The following ZNF362 variants were observed in gnomAD, a reference collection of about 807,000 sequenced individuals.
ZNF362 encodes the protein rotund homolog.
ZNF362 carries 11 observed loss-of-function variants against 42.9 expected under a neutral mutation model. That is an observed-to-expected ratio of 0.26 (90% confidence interval 0.16 to 0.42). The LOEUF (loss-of-function observed/expected upper bound fraction) is 0.42. Among genes scored for constraint, ZNF362 ranks in the 20% least tolerant of loss-of-function variants. The pLI is 1.00. For missense variants in ZNF362, 362 were observed against 576.2 expected, an observed-to-expected ratio of 0.63 and a Z score of 3.81; for synonymous variants, 255 against 257.3, an observed-to-expected ratio of 0.99 and a Z score of 0.09.
chr1:33,240,473 A>G, the ZNF362 span, among the ~76,000 whole-genome samples: 1 of 152,230 alleles, frequency 6.6e-6, no homozygotes, highest in Non-Finnish European at 1.5e-5. Flanking sequence ...ACATATACAT[A>G]TATACATAAA....
the ZNF362 span, among the ~76,000 whole-genome samples, chr1:33,151,662 A>T: frequency 6.6e-6 from 1 of 152,172 alleles, no homozygotes; most frequent in Non-Finnish European, 1.5e-5. Context: ...GTCCCGGGAC[A>T]CCAAGATTTA....
chr1:33,213,124 C>A, the ZNF362 span, among the ~76,000 whole-genome samples: 1 of 152,110 alleles, frequency 6.6e-6, no homozygotes, highest in African/African-American at 2.4e-5. Context: ...ATGTATTATA[C>A]TATTCATATA....
At chr1:33,289,579 T>G (rs997118761) in intron 6 of ZNF362, among the ~76,000 whole-genome samples, 10 of 152,194 alleles carry the variant, frequency 6.6e-5, no homozygotes, top group African/African-American at 2.4e-4. Flanking sequence ...ACTGGAGGAC[T>G]GTCGGTCAGT....
intron 8 of ZNF362, 62 bp downstream of exon 8, chr1:33,295,367 T>G (rs1646113416): frequency 6.4e-7 from 1 of 1,571,152 alleles, no homozygotes; most frequent in Admixed American, 1.8e-5. Flanking sequence ...AGGCCTCAGT[T>G]GCTTCCCCAT....
the ZNF362 span, chr1:33,143,225 T>C: frequency 8.5e-5 from 13 of 152,326 alleles, no homozygotes; most frequent in African/African-American, 2.9e-4. Context: ...CAGTTGATAA[T>C]GCAAATTTGG....
chr1:33,206,684 A>C, the ZNF362 span, among the ~76,000 whole-genome samples: 1 of 152,222 alleles, frequency 6.6e-6, no homozygotes, highest in Admixed American at 6.5e-5. Context: ...TGCATATCAC[A>C]TATCTGATAA....
chr1:33,180,375 C>T, the ZNF362 span, among the ~76,000 whole-genome samples: 65 of 152,228 alleles, frequency 4.3e-4, no homozygotes, highest in Middle Eastern at 0.014. Context: ...GTATCCGGAC[C>T]TGATCTCAGT....
the ZNF362 span, among the ~76,000 whole-genome samples, chr1:33,157,345 C>T: frequency 6.6e-6 from 1 of 152,172 alleles, no homozygotes; most frequent in Non-Finnish European, 1.5e-5. Flanking sequence ...ACTTGCTGTC[C>T]CCATGCCAGG....
intron 6 of ZNF362, among the ~76,000 whole-genome samples, chr1:33,283,709 G>GA (rs978137675): frequency 6.6e-6 from 1 of 151,822 alleles, no homozygotes; most frequent in African/African-American, 2.4e-5. Context: ...TGTCTCAAAA[G>GA]AAAAAAAATA....
the ZNF362 span, among the ~76,000 whole-genome samples, chr1:33,171,533 C>A: frequency 6.6e-6 from 1 of 152,172 alleles, no homozygotes; most frequent in Non-Finnish European, 1.5e-5. Context: ...CAAATCAATG[C>A]AGCAAAAATT....
At chr1:33,259,001 A>G (rs953107615) in intron 1 of ZNF362, among the ~76,000 whole-genome samples, 2 of 152,118 alleles carry the variant, frequency 1.3e-5, no homozygotes, top group African/African-American at 4.8e-5. Context: ...TGGACTCTCT[A>G]ATTCTTCTGC....
chr1:33,232,727 T>A, the ZNF362 span, among the ~76,000 whole-genome samples: 1 of 152,330 alleles, frequency 6.6e-6, no homozygotes, highest in East Asian at 1.9e-4. Flanking sequence ...ACTTATACTC[T>A]TGTTATTATG....
the ZNF362 span, among the ~76,000 whole-genome samples, chr1:33,161,137 G>T: frequency 6.1e-4 from 93 of 152,322 alleles, no homozygotes; most frequent in African/African-American, 2.1e-3. This position sits in a 1 kb window ranked among gnomAD's most constrained non-coding sequence, Gnocchi z 4.3. Context: ...AAATGAGGGG[G>T]TGTTGTTGTG....
At chr1:33,259,609 G>A (rs546956880) in intron 1 of ZNF362, among the ~76,000 whole-genome samples, 2 of 152,122 alleles carry the variant, frequency 1.3e-5, no homozygotes, top group Admixed American at 1.3e-4. Context: ...AGTCATCTCA[G>A]TAATCTACCC....
In ZNF362 at chr1:33,294,709, C is replaced by G. The variant is rs1029181648; in HGVS notation, c.909-228C>G. Among the ~76,000 whole-genome samples the G allele has an allele frequency of 6.6e-6, 1 of 152,072 alleles. No individual in the cohort carries two copies. Among genetic ancestry groups the G allele is most frequent in the African/African-American group, 2.4e-5 (1 of 41,398 alleles). The stretch of plus-strand genomic sequence containing the variant: ...GTGGTGGGCTGGGGACAGCTGGGAC[C>G]TGTGGGAAGTAGGAGGCTCTGGTCA... On this transcript the variant is annotated intron_variant, in intron 6 of 8. Transcript: ENST00000539719. This position sits in a 1 kb window ranked among gnomAD's most constrained non-coding sequence, Gnocchi z 4.2.
chr1:33,187,566 C>T, the ZNF362 span, among the ~76,000 whole-genome samples: 2 of 152,210 alleles, frequency 1.3e-5, no homozygotes, highest in Admixed American at 1.3e-4. Flanking sequence ...CAGCTTCCGA[C>T]TCTACTACCC....
chr1:33,143,006 G>C, the ZNF362 span: 2 of 152,188 alleles, frequency 1.3e-5, no homozygotes, highest in Non-Finnish European at 2.9e-5. Context: ...TGGGGTTACT[G>C]CCATTCTATC....
At chr1:33,171,803 A>T in the ZNF362 span, among the ~76,000 whole-genome samples, 1 of 152,040 alleles carries the variant, frequency 6.6e-6, no homozygotes, top group Non-Finnish European at 1.5e-5. Flanking sequence ...TTTTTTTGAG[A>T]CAGAATCTCG....
the ZNF362 span, among the ~76,000 whole-genome samples, chr1:33,231,471 C>A: frequency 2.0e-5 from 3 of 152,162 alleles, no homozygotes; most frequent in Non-Finnish European, 4.4e-5. Context: ...AGTTGCACAG[C>A]CAGTAAGTGA....
Sources: allele counts gnomAD v4.1 joint callset (sites outside exome capture counted in the v4.1 genomes callset), GRCh38; gene constraint gnomAD v4.1.1; non-coding constraint Gnocchi (gnomAD v3.1); transcripts MANE v1.5; gene names NCBI Gene and HGNC (gene_info 2026-07-23, HGNC 2026-07-21).